Variants in ST6GALNAC3 observed in about 807,000 individuals in gnomAD.
The protein encoded by ST6GALNAC3 is alpha-N-acetylgalactosaminide alpha-2,6-sialyltransferase 3.
ST6GALNAC3 carries 25 observed loss-of-function variants against 32.7 expected under a neutral mutation model. That is an observed-to-expected ratio of 0.76 (90% CI 0.56 to 1.07). ST6GALNAC3 has a LOEUF of 1.07. ST6GALNAC3 is among the 50% of genes least tolerant of loss of function. The pLI, the probability that ST6GALNAC3 is intolerant of heterozygous loss-of-function variation, is 0.00. For missense variants in ST6GALNAC3, 355 were observed against 382.4 expected (o/e 0.93, Z 0.60); for synonymous variants, 129 against 133.1 (o/e 0.97, Z 0.21).
intron 3 of ST6GALNAC3, among the ~76,000 whole-genome samples, chr1:76,624,969 C>T (rs528285322): frequency 7.9e-5 from 12 of 152,092 alleles, no homozygotes; most frequent in African/African-American, 2.9e-4. Flanking sequence ...GTGGTTAAAA[C>T]TTAATTACAG....
chr1:76,390,944 G>GTTTTT (rs1437847135), intron 2 of ST6GALNAC3, among the ~76,000 whole-genome samples: 1 of 97,752 alleles, frequency 1.0e-5, no homozygotes, highest in African/African-American at 4.6e-5. Context: ...ATATATATAT[G>GTTTTT]TATTTTTTTT....
intron 1 of ST6GALNAC3, among the ~76,000 whole-genome samples, chr1:76,127,771 C>G (rs1417374667): frequency 1.3e-5 from 2 of 152,132 alleles, no homozygotes; most frequent in East Asian, 3.9e-4. Context: ...GGGAGGCAGT[C>G]TCATCTCTCA....
chr1:76,503,754 C>A (rs906121638), intron 3 of ST6GALNAC3, among the ~76,000 whole-genome samples: 1 of 152,142 alleles, frequency 6.6e-6, no homozygotes, highest in Non-Finnish European at 1.5e-5. Context: ...GTGTTTGGTC[C>A]TAATCAGGAC....
At chr1:76,422,046 ATATACT>A (rs1366105947) in intron 3 of ST6GALNAC3, among the ~76,000 whole-genome samples, 2 of 151,800 alleles carry the variant, frequency 1.3e-5, no homozygotes, top group African/African-American at 2.4e-5. Context: ...ATTCTATATA[ATATACT>A]TATTTATTTT....
At chr1:76,379,105 C>T (rs1001606264) in intron 2 of ST6GALNAC3, among the ~76,000 whole-genome samples, 3 of 152,118 alleles carry the variant, frequency 2.0e-5, no homozygotes. Flanking sequence ...ACTGTGTTAG[C>T]CAGGATGGTC....
Position 76,441,242 on chromosome 1 carries a change from T to A in ST6GALNAC3, c.623+28825T>A, listed in dbSNP as rs1045003537. Among the ~76,000 whole-genome samples the A allele has an allele frequency of 2.6e-5, 4 of 152,066 alleles. No individual in the cohort carries two copies. In the East Asian group the frequency reaches 7.7e-4, roughly 29 times the overall value. Reference sequence around the variant, plus strand: ...ATCATAAATATCATTTACTGGGCCCTTACTATATGTCAAGCATATATTATA... The same window carrying A: ...ATCATAAATATCATTTACTGGGCCCATACTATATGTCAAGCATATATTATA... On this transcript the variant is annotated intron_variant, in intron 3 of 4. Coordinates refer to ENST00000328299, the MANE Select transcript of ST6GALNAC3 (RefSeq NM_152996.4).
At chr1:76,256,508 C>A (rs930756654) in intron 1 of ST6GALNAC3, among the ~76,000 whole-genome samples, 2 of 152,122 alleles carry the variant, frequency 1.3e-5, no homozygotes, top group Non-Finnish European at 2.9e-5. Context: ...TGGCACCCTA[C>A]TGCTTCCATG....
chr1:76,329,642 T>A (rs1048558608), intron 2 of ST6GALNAC3, among the ~76,000 whole-genome samples: 1 of 152,116 alleles, frequency 6.6e-6, no homozygotes, highest in African/African-American at 2.4e-5. Flanking sequence ...CACGGCTCTC[T>A]CTCATGAGTC....
intron 3 of ST6GALNAC3, among the ~76,000 whole-genome samples, chr1:76,620,524 G>T (rs1042479565): frequency 6.6e-6 from 1 of 152,032 alleles, no homozygotes; most frequent in African/African-American, 2.4e-5. Context: ...ACAGGTTTCT[G>T]GTGAAGGCTC....
intron 3 of ST6GALNAC3, among the ~76,000 whole-genome samples, chr1:76,475,860 C>A (rs1393786388): frequency 6.6e-6 from 1 of 152,092 alleles, no homozygotes; most frequent in Non-Finnish European, 1.5e-5. Context: ...AGCCCCCAGC[C>A]CCCGACAGGC....
At chr1:76,199,821 A>C (rs1156698298) in intron 1 of ST6GALNAC3, among the ~76,000 whole-genome samples, 2 of 152,236 alleles carry the variant, frequency 1.3e-5, no homozygotes, top group African/African-American at 4.8e-5. Context: ...TGTACTCTGT[A>C]GCTCATATAT....
chr1:76,251,581 T>C (rs901677488), intron 1 of ST6GALNAC3, among the ~76,000 whole-genome samples: 4 of 152,166 alleles, frequency 2.6e-5, no homozygotes, highest in Non-Finnish European at 5.9e-5. Context: ...TTCTTTTGAC[T>C]GTTTGGTAAA....
intron 2 of ST6GALNAC3, among the ~76,000 whole-genome samples, chr1:76,341,678 T>TTTCTTTCTTTCTTTCTTTCTTTCTTTCC (rs1421303857): frequency 1.2e-4 from 15 of 121,312 alleles, no homozygotes; most frequent in Middle Eastern, 4.2e-3. Context: ...TCTTTCTTTC[T>TTTCTTTCTTTCTTTCTTTCTTTCTTTCC]TTCCTTCTTT....
intron 1 of ST6GALNAC3, among the ~76,000 whole-genome samples, chr1:76,197,310 T>C (rs1253099389): frequency 1.3e-5 from 2 of 152,246 alleles, no homozygotes; most frequent in Non-Finnish European, 2.9e-5. Flanking sequence ...GTGCCAACTG[T>C]ATGCAAGGCT....
chr1:76,311,507 A>G (rs1408084360), intron 1 of ST6GALNAC3, among the ~76,000 whole-genome samples: 1 of 151,940 alleles, frequency 6.6e-6, no homozygotes. Context: ...TTCAACTCCC[A>G]CTTATGAGTG....
chr1:76,308,337 C>T (rs1419135781), intron 1 of ST6GALNAC3, among the ~76,000 whole-genome samples: 1 of 152,100 alleles, frequency 6.6e-6, no homozygotes, highest in Non-Finnish European at 1.5e-5. Context: ...GCATTTTCCA[C>T]TCATTGTATC....
In ST6GALNAC3 at chr1:76,329,796, C is replaced by A. The variant is rs543779631; in HGVS notation, c.213+15797C>A. On this transcript the variant is annotated intron_variant, in intron 2 of 4. Transcript: ENST00000328299. ...CTCCATTTTTATTCTCTTTCTCTCT[C>A]TTTATTTATTTATTTATTTATTTAT... Among the ~76,000 whole-genome samples, 553 of 150,344 alleles carry A rather than the reference C, an allele frequency of 3.7e-3. 4 individuals carry two copies. Among genetic ancestry groups the A allele is most frequent in the African/African-American group, 0.013 (529 of 40,616 alleles).
intron 1 of ST6GALNAC3, among the ~76,000 whole-genome samples, chr1:76,174,538 TCTAC>T (rs1290767842): frequency 1.3e-5 from 2 of 152,038 alleles, no homozygotes; most frequent in African/African-American, 2.4e-5. Flanking sequence ...TAAAATTATA[TCTAC>T]CTACCTATCT....
At chr1:76,275,760 G>A (rs1659098210) in intron 1 of ST6GALNAC3, among the ~76,000 whole-genome samples, 1 of 152,034 alleles carries the variant, frequency 6.6e-6, no homozygotes, top group African/African-American at 2.4e-5. Flanking sequence ...TCTGTATTAT[G>A]TATTTTAAAT....
Sources: gnomAD v4.1 joint callset for allele counts (sites outside exome capture counted in the v4.1 genomes callset) on GRCh38, gnomAD v4.1.1 for gene constraint, MANE v1.5 for transcripts, NCBI Gene and HGNC (gene_info 2026-07-23, HGNC 2026-07-21) for gene names.